The following FAM135B variants were observed in gnomAD, a reference collection of about 807,000 sequenced individuals.
FAM135B encodes protein FAM135B.
Under a neutral mutation model 127.7 loss-of-function variants are expected in FAM135B, and 43 were observed. The observed-to-expected ratio is 0.34, with a 90% CI of 0.26 to 0.43. The LOEUF (loss-of-function observed/expected upper bound fraction) is 0.43. Among genes scored for constraint, FAM135B ranks in the 20% least tolerant of loss-of-function variants. The pLI is 1.00. For synonymous variants in FAM135B, 670 were observed against 665.1 expected (o/e 1.01, Z -0.11); for missense variants, 1,558 against 1,725.6 (o/e 0.90, Z 1.72).
intron 1 of FAM135B, among the ~76,000 whole-genome samples, chr8:138,430,628 C>G (rs1217528726): frequency 6.6e-6 from 1 of 152,152 alleles, no homozygotes; most frequent in Non-Finnish European, 1.5e-5. Flanking sequence ...AAAACAGGAT[C>G]ACTTCTTCCA....
rs1383353217 is a variant in FAM135B, at chr8:138,197,526, G to A, written c.813C>T (p.His271=). The change falls in exon 8 of 20, where the codon CAC becomes CAT. Residue 271 remains histidine, a synonymous_variant. Coordinates refer to ENST00000395297, the MANE Select transcript of FAM135B (RefSeq NM_015912.4). ...GTCCTGGGCCCTTACCCAGCTCCGT[G>A]TGTGGCAGCTCTGGGATGTCCCGCA... The part of the protein sequence containing the change: ...VIMRDIPELP[H]TELEALAVEE... 2 of 1,613,960 alleles carry A rather than the reference G, an allele frequency of 1.2e-6. No individual in the cohort carries two copies. Among genetic ancestry groups the A allele is most frequent in the Non-Finnish European group, 8.5e-7 (1 of 1,179,944 alleles).
chr8:138,179,990 C>T lies in FAM135B; in HGVS notation c.874-1300G>A, dbSNP rs564357498. On this transcript the variant is annotated intron_variant, in intron 9 of 19. Coordinates refer to ENST00000395297, the MANE Select transcript of FAM135B (RefSeq NM_015912.4). ...ACCTGGCTTCACTCCACATTTCTTA[C>T]GGGAGATTCCTGGTTACATTAACTA... is the stretch of plus-strand genomic sequence containing the variant. Among the ~76,000 whole-genome samples the T allele has an allele frequency of 1.1e-4, 16 of 152,254 alleles. No homozygotes were observed. In the East Asian group the frequency reaches 1.7e-3, roughly 17 times the overall value.
chr8:138,307,107 T>G (rs1451988907), intron 3 of FAM135B, among the ~76,000 whole-genome samples: 2 of 152,114 alleles, frequency 1.3e-5, no homozygotes, highest in Admixed American at 1.3e-4. Flanking sequence ...CCCACCCAAA[T>G]CTCATCTTGA....
chr8:138,418,888 A>C (rs891647728), intron 1 of FAM135B, among the ~76,000 whole-genome samples: 6 of 151,762 alleles, frequency 4.0e-5, no homozygotes, highest in African/African-American at 9.7e-5. Context: ...CAACCACAAA[A>C]AAAAAAAAAA....
chr8:138,384,380 T>C (rs930322887), intron 1 of FAM135B, among the ~76,000 whole-genome samples: 5 of 151,846 alleles, frequency 3.3e-5, no homozygotes, highest in Non-Finnish European at 7.4e-5. Context: ...ATTTATTTAT[T>C]TATTTACCCA....
chr8:138,161,899 G>C (rs4291314), intron 12 of FAM135B, among the ~76,000 whole-genome samples: 1 of 152,222 alleles, frequency 6.6e-6, no homozygotes, highest in African/African-American at 2.4e-5. Flanking sequence ...CTAGAGAGAA[G>C]AGTTGGTGTT....
At position 138,318,146 on chromosome 8, in the gene FAM135B, A is replaced by G. The variant is rs370263412; in HGVS notation, c.78-7226T>C. On this transcript the variant is annotated intron_variant, in intron 2 of 19. Coordinates refer to ENST00000395297, the MANE Select transcript of FAM135B (RefSeq NM_015912.4). ...CAATAAAGCACTGTGTCAACAAGAT[A>G]AAACACATTTGCAGACTCAATCCTC... 5.2e-5 allele frequency among the ~76,000 whole-genome samples: 8 copies of G among 152,388 alleles called. No individual in the cohort carries two copies. In the South Asian group the frequency reaches 1.7e-3, roughly 32 times the overall value.
intron 2 of FAM135B, among the ~76,000 whole-genome samples, chr8:138,321,586 C>A (rs1827456632): frequency 6.6e-6 from 1 of 152,180 alleles, no homozygotes; most frequent in Non-Finnish European, 1.5e-5. Context: ...GAATAAATCA[C>A]TGTCACAGTG....
intron 3 of FAM135B, among the ~76,000 whole-genome samples, chr8:138,288,603 T>C (rs1171060428): frequency 6.6e-6 from 1 of 152,016 alleles, no homozygotes; most frequent in Non-Finnish European, 1.5e-5. Flanking sequence ...ACGGAGGAAG[T>C]CCACTGGGCT....
intron 12 of FAM135B, among the ~76,000 whole-genome samples, chr8:138,159,390 G>A: frequency 6.6e-6 from 1 of 150,760 alleles, no homozygotes; most frequent in Non-Finnish European, 1.5e-5. Flanking sequence ...TGAAGAAAAT[G>A]TGGCACATAT....
intron 1 of FAM135B, among the ~76,000 whole-genome samples, chr8:138,452,198 C>T (rs905046749): frequency 1.4e-5 from 2 of 139,482 alleles, no homozygotes. Context: ...GGCATGATCT[C>T]GGCTCACTGC....
At chr8:138,390,738 A>G (rs1383878014) in intron 1 of FAM135B, among the ~76,000 whole-genome samples, 1 of 152,208 alleles carries the variant, frequency 6.6e-6, no homozygotes, top group Non-Finnish European at 1.5e-5. Context: ...TAGTGTACAG[A>G]GAGCAAAAGC....
rs1837330841 is a variant in FAM135B, at chr8:138,465,371, G to A, written c.-20+31300C>T. Among the ~76,000 whole-genome samples, 3 of 152,190 alleles carry A rather than the reference G, an allele frequency of 2.0e-5. No homozygotes were observed. The South Asian group carries it at 6.2e-4, about 32-fold the overall frequency. On this transcript the variant is annotated intron_variant, in intron 1 of 19. Transcript: ENST00000395297. ...ATCATATCCCCAATTTACAGATGGA[G>A]CATCTCAGGCTTCAAGGTCACTTTG...
At chr8:138,345,583 C>T (rs1829356271) in intron 2 of FAM135B, among the ~76,000 whole-genome samples, 2 of 152,012 alleles carry the variant, frequency 1.3e-5, no homozygotes, top group Non-Finnish European at 2.9e-5. Context: ...GTTCAAGCCC[C>T]TTTGACATGG....
intron 1 of FAM135B, among the ~76,000 whole-genome samples, chr8:138,458,885 T>C (rs1047519262): frequency 2.6e-5 from 4 of 152,178 alleles, no homozygotes; most frequent in Admixed American, 2.6e-4. Context: ...CAGCAGCACA[T>C]GGCTAATTTA....
chr8:138,455,278 G>A (rs1285059141), intron 1 of FAM135B, among the ~76,000 whole-genome samples: 2 of 152,178 alleles, frequency 1.3e-5, no homozygotes, highest in Non-Finnish European at 2.9e-5. Flanking sequence ...ATGGATAGGA[G>A]AAATGTAAAC....
intron 7 of FAM135B, among the ~76,000 whole-genome samples, chr8:138,206,419 A>C (rs1817617161): frequency 1.3e-5 from 2 of 150,894 alleles, no homozygotes; most frequent in African/African-American, 4.9e-5. Flanking sequence ...CGTCCCCTCC[A>C]CCTACACACA....
intron 11 of FAM135B, among the ~76,000 whole-genome samples, chr8:138,173,100 T>C (rs1814070968): frequency 6.6e-6 from 1 of 152,028 alleles, no homozygotes; most frequent in South Asian, 2.1e-4. Context: ...ACACTCCCAT[T>C]CTGAGCATTC....
chr8:138,347,064 CATGAACAAAAGGAAGAATGAATGGAGGA>C (rs1829466883), intron 2 of FAM135B, among the ~76,000 whole-genome samples: 1 of 151,914 alleles, frequency 6.6e-6, no homozygotes, highest in South Asian at 2.1e-4. Context: ...TGAATAAATA[CATGAACAAAAGGAAGAATGAATGGAGGA>C]ATGAACAAAA....
Sources: allele counts gnomAD v4.1 joint callset (sites outside exome capture counted in the v4.1 genomes callset), GRCh38; gene constraint gnomAD v4.1.1; transcripts MANE v1.5; gene names NCBI Gene and HGNC (gene_info 2026-07-23, HGNC 2026-07-21).